DPP10: variants seen among roughly 807,000 people sequenced by gnomAD.
DPP10 encodes inactive dipeptidyl peptidase 10.
Under a neutral mutation model 120.9 loss-of-function variants are expected in DPP10, and 33 were observed. The ratio of observed to expected loss-of-function variants is 0.27; its 90% CI spans 0.21 to 0.37. DPP10 has a LOEUF of 0.37. DPP10 is among the 10% of genes least tolerant of loss of function. The pLI is 1.00. For synonymous variants in DPP10, 337 were observed against 326.1 expected, an observed-to-expected ratio of 1.03 and a Z score of -0.36; for missense variants, 816 against 942.8, an observed-to-expected ratio of 0.87 and a Z score of 1.76.
At chr2:115,027,289 A>G (rs1703533311) in intron 1 of DPP10, among the ~76,000 whole-genome samples, 1 of 152,176 alleles carries the variant, frequency 6.6e-6, no homozygotes, top group Non-Finnish European at 1.5e-5. Flanking sequence ...CATAAAGCCA[A>G]TTTGACTTCT....
At chr2:115,147,081 AT>A (rs2051265575) in intron 1 of DPP10, among the ~76,000 whole-genome samples, 1 of 152,080 alleles carries the variant, frequency 6.6e-6, no homozygotes, top group Admixed American at 6.6e-5. Flanking sequence ...TTATCTAACT[AT>A]AAAAGTCTAT....
intron 5 of DPP10, among the ~76,000 whole-genome samples, chr2:115,537,378 G>C (rs965078555): frequency 2.0e-5 from 3 of 151,954 alleles, no homozygotes; most frequent in South Asian, 2.1e-4. Flanking sequence ...AGTAGAAATA[G>C]GCTTAGCATG....
At position 114,750,708 on chromosome 2, in the gene DPP10, C is replaced by T. The variant is rs992064172; in HGVS notation, c.60+307870C>T. 6.6e-5 allele frequency among the ~76,000 whole-genome samples: 10 copies of T among 152,316 alleles called. No individual in the cohort carries two copies. The Middle Eastern group carries it at 0.01, about 155-fold the overall frequency. ...TGAGAGTCGTTGGGTAGATGCCAGC[C>T]AGCCTATTCTACCAAATTAGTCCAT... On this transcript the variant is annotated intron_variant, in intron 1 of 25. Coordinates refer to ENST00000410059, the MANE Select transcript of DPP10 (RefSeq NM_020868.6).
rs78953256 is a variant in DPP10 at position 114,880,951 on chromosome 2, C to T, written c.61-428288C>T. ...AAAGGGCTAGACTGGAGCAAGGACACGAACTAGCAGCTGTCTTAAGTCAGT... is the reference window on the plus strand; with the variant it reads ...AAAGGGCTAGACTGGAGCAAGGACATGAACTAGCAGCTGTCTTAAGTCAGT... On this transcript the variant is annotated intron_variant, in intron 1 of 25. Transcript: ENST00000410059. 2.8e-3 allele frequency among the ~76,000 whole-genome samples: 428 copies of T among 152,218 alleles called. 3 individuals are homozygous for T. The highest frequency in any genetic ancestry group is 9.8e-3 in the African/African-American group (408 of 41,542).
intron 1 of DPP10, among the ~76,000 whole-genome samples, chr2:115,126,794 C>G (rs1029388116): frequency 6.6e-6 from 1 of 152,166 alleles, no homozygotes; most frequent in Non-Finnish European, 1.5e-5. Flanking sequence ...TCAACACAGA[C>G]AGCTTTGTTC....
At chr2:114,559,891 CA>C (rs60833358) in intron 1 of DPP10, among the ~76,000 whole-genome samples, 6,047 of 65,994 alleles carry the variant, frequency 0.092, 162 homozygotes, top group East Asian at 0.28. Context: ...AGAAAAAAAG[CA>C]AAAAAAAAAA....
chr2:115,320,716 G>A (rs1453701897), intron 2 of DPP10, among the ~76,000 whole-genome samples: 1 of 151,852 alleles, frequency 6.6e-6, no homozygotes, highest in Non-Finnish European at 1.5e-5. Flanking sequence ...TTTAAATCAT[G>A]TTAATATAAG....
intron 1 of DPP10, among the ~76,000 whole-genome samples, chr2:114,604,084 G>A (rs941159559): frequency 6.6e-6 from 1 of 152,030 alleles, no homozygotes; most frequent in Non-Finnish European, 1.5e-5. Flanking sequence ...ACACATAAAT[G>A]CCTTCCAAGG....
At chr2:115,235,718 C>G (rs1210474330) in intron 1 of DPP10, among the ~76,000 whole-genome samples, 1 of 152,092 alleles carries the variant, frequency 6.6e-6, no homozygotes, top group Non-Finnish European at 1.5e-5. Context: ...CATGCCAACA[C>G]ACCCAGCTAA....
At chr2:115,245,502 A>G (rs2058493749) in intron 1 of DPP10, among the ~76,000 whole-genome samples, 1 of 152,186 alleles carries the variant, frequency 6.6e-6, no homozygotes. Flanking sequence ...GGATGTGGTG[A>G]AAAGGGAACA....
chr2:115,335,842 T>G (rs2063098402), intron 2 of DPP10, among the ~76,000 whole-genome samples: 1 of 152,020 alleles, frequency 6.6e-6, no homozygotes, highest in Non-Finnish European at 1.5e-5. Context: ...ATATTTAAAC[T>G]ACAGCCCTGG....
chr2:115,525,274 TTTCA>T (rs1183169934), intron 4 of DPP10, among the ~76,000 whole-genome samples: 1 of 152,142 alleles, frequency 6.6e-6, no homozygotes, highest in African/African-American at 2.4e-5. Context: ...AATGTATTTG[TTTCA>T]TTGTGTAGTT....
chr2:115,659,583 G>T (rs1314994810), intron 5 of DPP10, among the ~76,000 whole-genome samples: 1 of 152,128 alleles, frequency 6.6e-6, no homozygotes, highest in Admixed American at 6.5e-5. Context: ...ATTTAATTTA[G>T]CTACTCTTTT....
intron 1 of DPP10, among the ~76,000 whole-genome samples, chr2:114,519,807 A>T (rs999626779): frequency 6.6e-6 from 1 of 152,212 alleles, no homozygotes; most frequent in African/African-American, 2.4e-5. Context: ...TTTAGATGGC[A>T]TATTTTCTCC....
At chr2:114,622,984 G>T (rs1027803590) in intron 1 of DPP10, among the ~76,000 whole-genome samples, 1 of 152,050 alleles carries the variant, frequency 6.6e-6, no homozygotes, top group Admixed American at 6.6e-5. Context: ...TGACAATTTG[G>T]AGGTGACAGG....
At chr2:115,090,137 T>C (rs1459611939) in intron 1 of DPP10, among the ~76,000 whole-genome samples, 1 of 152,198 alleles carries the variant, frequency 6.6e-6, no homozygotes, top group Non-Finnish European at 1.5e-5. Flanking sequence ...ATTTGTGTTA[T>C]GTTTTATTTG....
At chr2:114,829,287 C>G (rs1686854995) in intron 1 of DPP10, among the ~76,000 whole-genome samples, 1 of 151,634 alleles carries the variant, frequency 6.6e-6, no homozygotes, top group Non-Finnish European at 1.5e-5. Flanking sequence ...GAGACTCCAT[C>G]TCAAAAATAA....
At chr2:114,761,260 T>A (rs144847205) in intron 1 of DPP10, among the ~76,000 whole-genome samples, 1 of 152,220 alleles carries the variant, frequency 6.6e-6, no homozygotes, top group East Asian at 1.9e-4. Context: ...GTACTTTCAG[T>A]AATTTAAGTA....
intron 5 of DPP10, among the ~76,000 whole-genome samples, chr2:115,682,483 A>G (rs1302045640): frequency 1.3e-5 from 2 of 151,922 alleles, no homozygotes; most frequent in African/African-American, 4.8e-5. Context: ...CAGGAACTCT[A>G]AGAGCAATTC....
Sources: allele counts gnomAD v4.1 joint callset (sites outside exome capture counted in the v4.1 genomes callset), GRCh38; gene constraint gnomAD v4.1.1; transcripts MANE v1.5; gene names NCBI Gene and HGNC (gene_info 2026-07-23, HGNC 2026-07-21).